MB21D2: variants seen among roughly 807,000 people sequenced by gnomAD.
MB21D2 encodes nucleotidyltransferase MB21D2.
Under a neutral mutation model 33.3 loss-of-function variants are expected in MB21D2, and 9 were observed. The ratio of observed to expected loss-of-function variants is 0.27; its 90% CI spans 0.16 to 0.47. The LOEUF (loss-of-function observed/expected upper bound fraction) is 0.47, where lower values mean the gene tolerates loss of function less well. MB21D2 is among the 20% of genes least tolerant of loss of function. MB21D2 has a pLI of 0.99. For synonymous variants in MB21D2, 241 were observed against 236.3 expected (o/e 1.02, Z -0.18); for missense variants, 540 against 624.6 (o/e 0.86, Z 1.44).
At chr3:192,859,787 G>A (rs909203818) in intron 1 of MB21D2, among the ~76,000 whole-genome samples, 1 of 152,110 alleles carries the variant, frequency 6.6e-6, no homozygotes, top group African/African-American at 2.4e-5. Context: ...AGTAGACATT[G>A]ACAAGAACTG....
chr3:192,809,168 T>C (rs1711731751), intron 1 of MB21D2, among the ~76,000 whole-genome samples: 1 of 152,128 alleles, frequency 6.6e-6, no homozygotes, highest in Non-Finnish European at 1.5e-5. Context: ...CAATCTTGGC[T>C]CACTGCAACC....
intron 1 of MB21D2, among the ~76,000 whole-genome samples, chr3:192,828,399 G>A (rs1183286385): frequency 4.6e-5 from 7 of 151,030 alleles, no homozygotes; most frequent in Non-Finnish European, 1.0e-4. Flanking sequence ...GGAGGCCAAG[G>A]ATCCAGCACA....
chr3:192,872,404 G>A (rs932305237), intron 1 of MB21D2, among the ~76,000 whole-genome samples: 16 of 151,884 alleles, frequency 1.1e-4, no homozygotes, highest in African/African-American at 3.1e-4. Flanking sequence ...GTGAAAACCC[G>A]TCTCTACTAA....
At chr3:192,910,298 C>CAAAAAAAA (rs747554734) in intron 1 of MB21D2, among the ~76,000 whole-genome samples, 1 of 52,276 alleles carries the variant, frequency 1.9e-5, no homozygotes, top group Non-Finnish European at 5.1e-5. Context: ...ACCATCTCTA[C>CAAAAAAAA]AAAAAAAAAA....
intron 1 of MB21D2, among the ~76,000 whole-genome samples, chr3:192,871,055 A>G (rs1394476807): frequency 6.6e-6 from 1 of 152,162 alleles, no homozygotes; most frequent in South Asian, 2.1e-4. Context: ...CCAAGTTCAG[A>G]GGTTATTAAA....
chr3:192,837,895 G>C (rs903371165), intron 1 of MB21D2, among the ~76,000 whole-genome samples: 2 of 152,152 alleles, frequency 1.3e-5, no homozygotes, highest in Non-Finnish European at 2.9e-5. Context: ...AAACCTGGAG[G>C]TACCGCCCAT....
chr3:192,911,962 A>G (rs1714367107), intron 1 of MB21D2, among the ~76,000 whole-genome samples: 1 of 152,230 alleles, frequency 6.6e-6, no homozygotes, highest in Non-Finnish European at 1.5e-5. Flanking sequence ...CCAACGCACC[A>G]TAAATTTCCA....
intron 1 of MB21D2, among the ~76,000 whole-genome samples, chr3:192,860,976 G>T (rs1713029524): frequency 6.6e-6 from 1 of 152,200 alleles, no homozygotes; most frequent in Admixed American, 6.5e-5. Context: ...CATTAAACTA[G>T]AAACGAAAAG....
At chr3:192,846,475 A>G (rs1712682325) in intron 1 of MB21D2, among the ~76,000 whole-genome samples, 1 of 152,144 alleles carries the variant, frequency 6.6e-6, no homozygotes, top group South Asian at 2.1e-4. Context: ...CCCCAATGCC[A>G]CAAACCACAC....
At chr3:192,856,629 C>T (rs535196141) in intron 1 of MB21D2, among the ~76,000 whole-genome samples, 137 of 152,300 alleles carry the variant, frequency 9.0e-4, no homozygotes, top group Non-Finnish European at 1.7e-3. Context: ...TCTCAGCTCA[C>T]TGCAACCTCT....
intron 1 of MB21D2, among the ~76,000 whole-genome samples, chr3:192,803,348 T>C (rs1209162634): frequency 6.6e-6 from 1 of 152,226 alleles, no homozygotes; most frequent in Non-Finnish European, 1.5e-5. Context: ...TAGGGTAATT[T>C]TGAACACTTC....
chr3:192,891,647 G>A (rs1213926283), intron 1 of MB21D2, among the ~76,000 whole-genome samples: 1 of 152,108 alleles, frequency 6.6e-6, no homozygotes, highest in African/African-American at 2.4e-5. Flanking sequence ...GCCAATACAT[G>A]TTAATGCTTT....
At chr3:192,820,325 G>A (rs1712016643) in intron 1 of MB21D2, among the ~76,000 whole-genome samples, 1 of 152,030 alleles carries the variant, frequency 6.6e-6, no homozygotes. Context: ...TAAGCACAAA[G>A]AGCAAAGTAG....
At chr3:192,840,798 T>C (rs886470135) in intron 1 of MB21D2, among the ~76,000 whole-genome samples, 1 of 152,212 alleles carries the variant, frequency 6.6e-6, no homozygotes, top group Non-Finnish European at 1.5e-5. Flanking sequence ...TTTAGTTGGT[T>C]AAGACAACTT....
intron 1 of MB21D2, among the ~76,000 whole-genome samples, chr3:192,859,796 T>C (rs1222567001): frequency 6.6e-6 from 1 of 152,168 alleles, no homozygotes. Flanking sequence ...TGACAAGAAC[T>C]GAGACCACAG....
At chr3:192,832,187 G>A (rs188683065) in intron 1 of MB21D2, among the ~76,000 whole-genome samples, 20 of 152,272 alleles carry the variant, frequency 1.3e-4, no homozygotes, top group Non-Finnish European at 2.6e-4. Context: ...ATTTTAACAA[G>A]GGCCCCAGGC....
At chr3:192,810,881 TTG>T (rs35591932) in intron 1 of MB21D2, among the ~76,000 whole-genome samples, 77,718 of 151,492 alleles carry the variant, frequency 0.51, 20,194 homozygotes, top group South Asian at 0.6. Context: ...ATGAGTATGC[TTG>T]TGTGTGTGTG....
intron 1 of MB21D2, among the ~76,000 whole-genome samples, chr3:192,860,939 A>G (rs1441379161): frequency 6.6e-6 from 1 of 152,222 alleles, no homozygotes; most frequent in Non-Finnish European, 1.5e-5. Context: ...TGATTTCTGA[A>G]GTGCTAGAGT....
intron 1 of MB21D2, among the ~76,000 whole-genome samples, chr3:192,869,249 C>A (rs1170427526): frequency 4.0e-5 from 5 of 124,586 alleles, no homozygotes; most frequent in Non-Finnish European, 6.4e-5. Context: ...GAGTGAGACT[C>A]CATGTCAAAA....
Sources: gnomAD v4.1 joint callset for allele counts (sites outside exome capture counted in the v4.1 genomes callset) on GRCh38, gnomAD v4.1.1 for gene constraint, MANE v1.5 for transcripts, NCBI Gene and HGNC (gene_info 2026-07-23, HGNC 2026-07-21) for gene names.